Variants in PYROXD2 observed in about 807,000 individuals in gnomAD.
PYROXD2 encodes pyridine nucleotide-disulfide oxidoreductase domain-containing protein 2.
In PYROXD2, 69 loss-of-function variants were observed where a neutral mutation model predicts 71.1. The ratio of observed to expected loss-of-function variants is 0.97; its 90% CI spans 0.80 to 1.19. PYROXD2 has a LOEUF of 1.19. Ranked by LOEUF, PYROXD2 falls within the 50% of genes most tolerant of loss-of-function variation. The pLI is 0.00. For synonymous variants in PYROXD2, 287 were observed against 302.7 expected, an observed-to-expected ratio of 0.95 and a Z score of 0.54; for missense variants, 745 against 748.9, an observed-to-expected ratio of 0.99 and a Z score of 0.06.
chr10:98,403,981 C>G (rs1843509559), intron 4 of PYROXD2, among the ~76,000 whole-genome samples: 1 of 152,188 alleles, frequency 6.6e-6, no homozygotes, highest in African/African-American at 2.4e-5. Context: ...GACTATGAAT[C>G]ACTTTTCATT....
At chr10:98,401,580 T>G (rs1843412768) in intron 4 of PYROXD2, among the ~76,000 whole-genome samples, 1 of 152,246 alleles carries the variant, frequency 6.6e-6, no homozygotes, top group South Asian at 2.1e-4. Context: ...ACACTTGGCT[T>G]AAAACACAAA....
At chr10:98,397,883 T>C (rs201370936) in intron 5 of PYROXD2, among the ~76,000 whole-genome samples, 11 of 126,708 alleles carry the variant, frequency 8.7e-5, no homozygotes, top group African/African-American at 2.9e-4. Flanking sequence ...TCTTCTTTTT[T>C]TTTTTTTTTT....
At chr10:98,400,327 TTG>T in intron 4 of PYROXD2, 70 bp from the exon 5 acceptor site, 1 of 1,458,142 alleles carries the variant, frequency 6.9e-7, no homozygotes, top group Non-Finnish European at 9.3e-7. Flanking sequence ...CTTTCTCCGA[TTG>T]TGTTTGTGTG....
intron 15 of PYROXD2, among the ~76,000 whole-genome samples, 166 bp from the exon 16 acceptor site, chr10:98,384,034 G>A (rs1254775599): frequency 6.6e-6 from 1 of 152,168 alleles, no homozygotes; most frequent in African/African-American, 2.4e-5. Context: ...AATAGATTCT[G>A]GCTCCCTCCA....
intron 8 of PYROXD2, among the ~76,000 whole-genome samples, 167 bp downstream of exon 8, chr10:98,395,029 G>T (rs975962959): frequency 6.6e-6 from 1 of 152,120 alleles, no homozygotes; most frequent in Non-Finnish European, 1.5e-5. Context: ...CTCAGATGTT[G>T]CTCTGAGGGT....
At chr10:98,397,569 G>A in intron 5 of PYROXD2, 71 bp from the exon 6 acceptor site, 1 of 1,455,288 alleles carries the variant, frequency 6.9e-7, no homozygotes, top group East Asian at 2.6e-5. Context: ...CAGATGGCCT[G>A]TCACCCCCCC....
Position 98,408,045 on chromosome 10 carries a change from T to A in PYROXD2, c.148-48A>T, listed in dbSNP as rs762794124. 13 of 1,547,692 alleles carry A rather than the reference T, an allele frequency of 8.4e-6. No homozygotes were observed. The East Asian group carries it at 2.6e-4, about 31-fold the overall frequency. On this transcript the variant is annotated intron_variant, in intron 2 of 15. Transcript: ENST00000370575. ...GGGCCCTCCCTTTATCCCTCTGAAA[T>A]GTCAGGGCTCCCTCGGGCTGACCCG...
At chr10:98,399,369 C>T (rs1843310098) in intron 5 of PYROXD2, among the ~76,000 whole-genome samples, 1 of 152,206 alleles carries the variant, frequency 6.6e-6, no homozygotes, top group African/African-American at 2.4e-5. Flanking sequence ...TTTAATGCTA[C>T]ATCTCAGCTA....
chr10:98,410,854 A>G (rs1203230358), intron 2 of PYROXD2, 85 bp downstream of exon 2: 2 of 1,547,468 alleles, frequency 1.3e-6, no homozygotes, highest in African/African-American at 2.7e-5. Flanking sequence ...CCCTTATCCC[A>G]CCTGCTTCTT....
chr10:98,395,204 C>G lies in PYROXD2; in HGVS notation c.777G>C (p.Pro259=). 6.2e-7 allele frequency: 1 copy of G among 1,613,862 alleles called. No individual in the cohort carries two copies. Among genetic ancestry groups the G allele is most frequent in the South Asian group, 1.1e-5 (1 of 91,082 alleles). ...VIGAMTSPHT[P]GSGYVLLHHV... ...TCACCCCCCTCACTCACCCACTCCCCGGAGTGTGGGGACTTGTCATGGCTC... is the reference window on the plus strand; with the variant it reads ...TCACCCCCCTCACTCACCCACTCCCGGGAGTGTGGGGACTTGTCATGGCTC... The change falls in exon 8 of 16, where the codon CCG becomes CCC. Residue 259 remains proline (P), a synonymous_variant. Transcript: ENST00000370575.
At chr10:98,385,704 C>T (rs182849634) in intron 14 of PYROXD2, among the ~76,000 whole-genome samples, 2 of 152,298 alleles carry the variant, frequency 1.3e-5, no homozygotes, top group Non-Finnish European at 2.9e-5. Context: ...CCTCTTCCCT[C>T]GAGTCTGCTC....
At chr10:98,391,124 G>T (rs773639950) in intron 10 of PYROXD2, 42 bp from the exon 11 acceptor site, 3 of 1,279,392 alleles carry the variant, frequency 2.3e-6, no homozygotes, top group Non-Finnish European at 3.4e-6. Context: ...GATGTCCAAG[G>T]CCCCAAGGAA....
At chr10:98,411,238 G>A in intron 1 of PYROXD2, 1 of 467,650 alleles carries the variant, frequency 2.1e-6, no homozygotes, top group Non-Finnish European at 3.8e-6. Context: ...AGGGGCTCAT[G>A]AGAGCATCGC....
chr10:98,409,234 C>G (rs1843708692), intron 2 of PYROXD2, among the ~76,000 whole-genome samples: 4 of 151,100 alleles, frequency 2.6e-5, no homozygotes, highest in African/African-American at 9.7e-5. Context: ...ATACCGAACA[C>G]CCCTCTTGGC....
chr10:98,403,554 T>C (rs1025871154), intron 4 of PYROXD2, among the ~76,000 whole-genome samples: 13 of 152,202 alleles, frequency 8.5e-5, no homozygotes, highest in Non-Finnish European at 1.8e-4. Context: ...CTGTCTGCTC[T>C]GTCCACACTG....
At chr10:98,405,116 A>G (rs1407182250) in intron 4 of PYROXD2, among the ~76,000 whole-genome samples, 1 of 152,158 alleles carries the variant, frequency 6.6e-6, no homozygotes, top group African/African-American at 2.4e-5. Flanking sequence ...CCCCTTCTCC[A>G]CCAGTGCAAA....
rs886716473 is a variant in PYROXD2 at position 98,408,117 on chromosome 10, C to T, written c.148-120G>A. 1.3e-4 allele frequency: 103 copies of T among 802,594 alleles called. 1 individual carries two copies. Among genetic ancestry groups the T allele is most frequent in the Admixed American group, 2.5e-5 (1 of 39,644 alleles). The allele number at this position is 802,594 out of a possible 1,614,324, so 49.7% of individuals were successfully genotyped here. On this transcript the variant is annotated intron_variant, in intron 2 of 15. Coordinates refer to ENST00000370575, the MANE Select transcript of PYROXD2 (RefSeq NM_032709.3). ...GGCCAGTATGGGCCACACCCCATGG[C>T]CTCCCTGCCCCGCTCATGCTGTTCC...
At chr10:98,405,788 G>A (rs1432126563) in intron 4 of PYROXD2, among the ~76,000 whole-genome samples, 1 of 152,240 alleles carries the variant, frequency 6.6e-6, no homozygotes, top group East Asian at 1.9e-4. Context: ...CAAGAGGCCT[G>A]AGCGCATCAT....
chr10:98,392,879 T>G, intron 9 of PYROXD2, 63 bp downstream of exon 9: 2 of 1,555,064 alleles, frequency 1.3e-6, no homozygotes, highest in Non-Finnish European at 1.8e-6. Context: ...CTTCCAAATC[T>G]GAGACTTTGT....
Sources: allele counts gnomAD v4.1 joint callset (sites outside exome capture counted in the v4.1 genomes callset), GRCh38; gene constraint gnomAD v4.1.1; transcripts MANE v1.5; gene names NCBI Gene and HGNC (gene_info 2026-07-23, HGNC 2026-07-21).